SORBS3: variants seen among roughly 807,000 people sequenced by gnomAD.
SORBS3 encodes the protein sorbin and SH3 domain containing 3, also known as vinexin.
A neutral mutation model predicts 98.0 loss-of-function variants in SORBS3; 69 were observed. That is an observed-to-expected ratio of 0.70 (90% CI 0.58 to 0.86). SORBS3 has a LOEUF of 0.86. SORBS3 is among the 40% of genes least tolerant of loss of function. The pLI is 0.00. For synonymous variants in SORBS3, 394 were observed against 355.4 expected (o/e 1.11, Z -1.22); for missense variants, 954 against 908.5 (o/e 1.05, Z -0.64).
intron 11 of SORBS3, 67 bp downstream of exon 11, chr8:22,565,421 C>T (rs1840387486): frequency 7.5e-7 from 1 of 1,325,004 alleles, no homozygotes; most frequent in African/African-American, 1.5e-5. Context: ...AGCCGGGAGC[C>T]TCGGCGGCTG....
In SORBS3 at chr8:22,554,938, A is replaced by C. The variant is rs1840157747; in HGVS notation, c.178A>C (p.Asn60His). The C allele has an allele frequency of 5.0e-6, 8 of 1,613,524 alleles. No homozygotes were observed. Among genetic ancestry groups the C allele is most frequent in the South Asian group, 1.1e-5 (1 of 91,080 alleles). ...CGACCCCGCGCCCAGGACTGTGTGCAATGGGGGCTACACACCAAGACGAGA... is the reference window on the plus strand; with the variant it reads ...CGACCCCGCGCCCAGGACTGTGTGCCATGGGGGCTACACACCAAGACGAGA... ...FHDPAPRTVC[N>H]GGYTPRRDAS... is the part of the protein sequence containing the mutation. Residue 60 changes from asparagine (N) to histidine (H), a missense_variant, in exon 3 of 21, where the codon AAT becomes CAT. Transcript: ENST00000240123. The surrounding 1 kb of genome is among the most constrained non-coding windows in gnomAD (Gnocchi z 6.5).
intron 5 of SORBS3, among the ~76,000 whole-genome samples, chr8:22,560,399 C>A (rs2117238925): frequency 6.6e-6 from 1 of 152,162 alleles, no homozygotes; most frequent in Admixed American, 6.5e-5. Flanking sequence ...CCCCCACGCA[C>A]CTGGATGCTT....
chr8:22,563,341 G>T (rs181851562), intron 7 of SORBS3, among the ~76,000 whole-genome samples: 1 of 152,324 alleles, frequency 6.6e-6, no homozygotes, highest in East Asian at 1.9e-4. Context: ...CCAGCAAGGG[G>T]CCCTGGAGGG....
intron 4 of SORBS3, 33 bp from the exon 5 acceptor site, chr8:22,558,096 A>G (rs902474158): frequency 1.9e-5 from 31 of 1,609,764 alleles, no homozygotes; most frequent in Non-Finnish European, 2.5e-5. Context: ...GTGAATAAGC[A>G]GGGAGGACTG....
intron 11 of SORBS3, chr8:22,565,595 C>T: frequency 1.3e-6 from 1 of 763,500 alleles, no homozygotes; most frequent in Non-Finnish European, 1.8e-6. Context: ...CACGTCAGCC[C>T]GACGACCGGG....
exon 1 of SORBS3, chr8:22,545,098 G>A (rs1326453952): frequency 2.0e-5 from 3 of 152,216 alleles, no homozygotes; most frequent in Admixed American, 1.3e-4. Flanking sequence ...GTCTGGCACC[G>A]GGTCCACATC....
chr8:22,551,163 G>C (rs971775937), upstream of SORBS3, among the ~76,000 whole-genome samples: 4 of 117,678 alleles, frequency 3.4e-5, no homozygotes, highest in Non-Finnish European at 5.5e-5. This position sits in a 1 kb window ranked among gnomAD's most constrained non-coding sequence, Gnocchi z 5.8. Context: ...TTAGGGGCGC[G>C]GCACGCCCGG....
chr8:22,566,709 A>C lies in SORBS3; in HGVS notation c.1139A>C (p.Lys380Thr). The change falls in exon 14 of 21, where the codon AAG (lysine) becomes ACG (threonine). Residue 380 changes from lysine (K) to threonine (T), a missense_variant. Physicochemically the swap from Lys to Thr is moderately conservative, Grantham distance 78 (BLOSUM62 -1). Transcript: ENST00000240123. ...GGGSPARREE[K>T]KRKAARLKFD... ...GGCAGCCCAGCCAGGAGGGAAGAGA[A>C]GAAGGTAAGGAGGGGACCAGGTGTG... The C allele has an allele frequency of 6.2e-7, 1 of 1,612,606 alleles. No individual in the cohort carries two copies. Among genetic ancestry groups the C allele is most frequent in the Non-Finnish European group, 8.5e-7 (1 of 1,179,534 alleles).
intron 10 of SORBS3, 60 bp from the exon 11 acceptor site, chr8:22,565,208 C>G: frequency 1.3e-6 from 2 of 1,492,346 alleles, no homozygotes; most frequent in East Asian, 2.5e-5. Flanking sequence ...GATCTTTGAC[C>G]GCTGCCTCCC....
Position 22,564,086 on chromosome 8 carries a change from C to A in SORBS3, c.675+9C>A. The A allele has an allele frequency of 6.2e-7, 1 of 1,612,330 alleles. No individual in the cohort carries two copies. The highest frequency in any genetic ancestry group is 2.2e-5 in the East Asian group (1 of 44,880). ...TGCAGCCCTCAAATCAGGTAGCCCA[C>A]CCAGCATAGTCCCTGGTCAGCCCCA... On this transcript the variant is annotated intron_variant, in intron 8 of 20. Coordinates refer to ENST00000240123, the MANE Select transcript of SORBS3 (RefSeq NM_005775.5).
Position 22,574,977 on chromosome 8 carries a change from T to A in SORBS3, c.*249T>A. Reference sequence around the variant, plus strand: ...CCACCCCACTCCCCAAATACAGAGGTCTGCTTTGAAGCGGAGACCATTTCC... The same window carrying A: ...CCACCCCACTCCCCAAATACAGAGGACTGCTTTGAAGCGGAGACCATTTCC... On this transcript the variant is annotated 3_prime_UTR_variant, in exon 21 of 21. Transcript: ENST00000240123. 1.5e-6 allele frequency: 1 copy of A among 651,738 alleles called. No homozygotes were observed. Among genetic ancestry groups the A allele is most frequent in the Non-Finnish European group, 2.8e-6 (1 of 355,106 alleles). The allele number at this position is 651,738 out of a possible 1,614,324, so 40.4% of individuals were successfully genotyped here. A position where few individuals can be genotyped will look rare whatever the true frequency, so the allele number is the denominator to read the frequency against.
intron 19 of SORBS3, 82 bp from the exon 20 acceptor site, chr8:22,572,258 C>A: frequency 8.8e-7 from 1 of 1,133,240 alleles, no homozygotes; most frequent in Non-Finnish European, 1.3e-6. Flanking sequence ...TGAAGGGACC[C>A]TGGGGCATTC....
chr8:22,569,062 C>G, intron 16 of SORBS3, 86 bp from the exon 17 acceptor site: 1 of 1,393,830 alleles, frequency 7.2e-7, no homozygotes. Context: ...GCGGGCCCAC[C>G]TTCTCTTTGC....
At chr8:22,563,673 G>A (rs1840343141) in intron 7 of SORBS3, among the ~76,000 whole-genome samples, 1 of 152,240 alleles carries the variant, frequency 6.6e-6, no homozygotes. Flanking sequence ...AAATATGTGT[G>A]TGAGGCCTTC....
intron 7 of SORBS3, among the ~76,000 whole-genome samples, chr8:22,562,975 C>G (rs771643095): frequency 6.6e-6 from 1 of 152,074 alleles, no homozygotes; most frequent in Admixed American, 6.6e-5. Flanking sequence ...AAAAATTAGC[C>G]GGGCGCGGTG....
At position 22,556,908 on chromosome 8, in the gene SORBS3, C is replaced by A. The variant is rs767637494; in HGVS notation, c.414C>A (p.Ser138=). 1.9e-6 allele frequency: 3 copies of A among 1,612,444 alleles called. No homozygotes were observed. Among genetic ancestry groups the A allele is most frequent in the South Asian group, 1.1e-5 (1 of 91,074 alleles). Residue 138 remains serine (S), a splice_region_variant and synonymous_variant, in exon 4 of 21, where the codon TCC becomes TCA. Coordinates refer to ENST00000240123, the MANE Select transcript of SORBS3 (RefSeq NM_005775.5). ...GCGGCATGCCCATTGCCCCCCGATC[C>A]GTGAGTCCAGGGCTGGGGGCCACGG... ...DESGMPIAPR[S]SVDRPRDWYR...
Position 22,570,898 on chromosome 8 carries a change from T to A in SORBS3, c.1432-12T>A. On this transcript the variant is annotated splice_polypyrimidine_tract_variant and intron_variant, in intron 17 of 20. Coordinates refer to ENST00000240123, the MANE Select transcript of SORBS3 (RefSeq NM_005775.5). Reference sequence around the variant, plus strand: ...AGGAAGGCCCCACAGACACTGACTTTTCCCCCCTCAGGGAGAGCACATCTG... The same window carrying A: ...AGGAAGGCCCCACAGACACTGACTTATCCCCCCTCAGGGAGAGCACATCTG... The A allele has an allele frequency of 6.3e-7, 1 of 1,576,546 alleles. No homozygotes were observed. Among genetic ancestry groups the A allele is most frequent in the African/African-American group, 1.3e-5 (1 of 74,550 alleles).
chr8:22,545,527 C>T (rs1376493966), intron 1 of SORBS3: 8 of 152,310 alleles, frequency 5.3e-5, no homozygotes, highest in Admixed American at 1.3e-4. Context: ...TATTCCCTCC[C>T]GGGAGGCCTT....
upstream of SORBS3, among the ~76,000 whole-genome samples, chr8:22,551,350 C>G (rs1739571089): frequency 6.6e-6 from 1 of 152,154 alleles, no homozygotes; most frequent in South Asian, 2.1e-4. This position sits in a 1 kb window ranked among gnomAD's most constrained non-coding sequence, Gnocchi z 5.8. Context: ...CGCTCCGCCA[C>G]TCTGCCTGCG....
Sources: gnomAD v4.1 joint callset for allele counts (sites outside exome capture counted in the v4.1 genomes callset) on GRCh38, gnomAD v4.1.1 for gene constraint, Gnocchi (gnomAD v3.1) non-coding constraint, MANE v1.5 for transcripts, NCBI Gene and HGNC (gene_info 2026-07-23, HGNC 2026-07-21) for gene names.